NTRK2: variants seen among roughly 807,000 people sequenced by gnomAD.
NTRK2 encodes neurotrophic receptor tyrosine kinase 2.
Under a neutral mutation model 94.5 loss-of-function variants are expected in NTRK2, and 13 were observed. The observed-to-expected ratio is 0.14, with a 90% confidence interval of 0.09 to 0.22. The LOEUF is 0.22. Among genes scored for constraint, NTRK2 ranks in the 10% least tolerant of loss-of-function variants. The pLI is 1.00. For synonymous variants in NTRK2, 372 were observed against 407.4 expected (o/e 0.91, Z 1.05); for missense variants, 639 against 1,071.2 (o/e 0.60, Z 5.63).
At chr9:84,874,219 T>C in intron 14 of NTRK2, 12 of 1,065,328 alleles carry the variant, frequency 1.1e-5, no homozygotes, top group Non-Finnish European at 1.4e-5. Context: ...AGTTGCAGAG[T>C]AGCCTCCTAT....
At chr9:84,850,579 A>G (rs1376916581) in intron 12 of NTRK2, among the ~76,000 whole-genome samples, 5 of 152,220 alleles carry the variant, frequency 3.3e-5, no homozygotes. Flanking sequence ...CAAAGCTCAC[A>G]TGACCTCAAG....
intron 12 of NTRK2, among the ~76,000 whole-genome samples, chr9:84,770,057 A>G (rs775431407): frequency 2.0e-5 from 3 of 151,768 alleles, no homozygotes; most frequent in Non-Finnish European, 2.9e-5. Flanking sequence ...TGGCTTCTGC[A>G]TATGTTTGCT....
At chr9:84,882,264 A>G (rs1260124279) in intron 14 of NTRK2, among the ~76,000 whole-genome samples, 1 of 152,148 alleles carries the variant, frequency 6.6e-6, no homozygotes, top group Non-Finnish European at 1.5e-5. Flanking sequence ...AGCCAGTTTA[A>G]CTGATGAGAT....
chr9:84,987,242 G>C (rs1009500239), intron 17 of NTRK2, among the ~76,000 whole-genome samples: 6 of 152,094 alleles, frequency 3.9e-5, no homozygotes, highest in Middle Eastern at 3.2e-3. Context: ...ATTAATTTCT[G>C]GTCAAGAATT....
intron 14 of NTRK2, among the ~76,000 whole-genome samples, chr9:84,903,552 T>G (rs1387051945): frequency 6.6e-6 from 1 of 152,196 alleles, no homozygotes; most frequent in Non-Finnish European, 1.5e-5. Flanking sequence ...TGCATCATGT[T>G]CTTTTCAATA....
At chr9:84,800,133 C>T (rs1462075771) in intron 12 of NTRK2, among the ~76,000 whole-genome samples, 7 of 152,168 alleles carry the variant, frequency 4.6e-5, no homozygotes, top group Non-Finnish European at 1.5e-5. Flanking sequence ...TGGAGGCACT[C>T]CTCTCGCCTT....
At chr9:84,691,771 G>A (rs184563124) in intron 2 of NTRK2, among the ~76,000 whole-genome samples, 3 of 152,292 alleles carry the variant, frequency 2.0e-5, no homozygotes, top group Non-Finnish European at 2.9e-5. Context: ...GAGCAGCAGA[G>A]AAGGTTTTGG....
At chr9:84,688,054 A>G (rs907083862) in intron 2 of NTRK2, among the ~76,000 whole-genome samples, 1 of 152,024 alleles carries the variant, frequency 6.6e-6, no homozygotes, top group Non-Finnish European at 1.5e-5. Context: ...GGCTTGGTGC[A>G]CCCTCAGGAA....
chr9:84,901,396 G>A (rs1361769548), intron 14 of NTRK2, among the ~76,000 whole-genome samples: 1 of 151,418 alleles, frequency 6.6e-6, no homozygotes, highest in East Asian at 2.0e-4. Context: ...CTATTTTTGT[G>A]TGTGTGTGTG....
intron 12 of NTRK2, among the ~76,000 whole-genome samples, chr9:84,804,008 CT>C (rs1264228541): frequency 6.6e-6 from 1 of 152,150 alleles, no homozygotes; most frequent in Non-Finnish European, 1.5e-5. Flanking sequence ...ATAAGCCCCC[CT>C]GATTGTTGCT....
chr9:84,840,699 C>A (rs73651126), intron 12 of NTRK2, among the ~76,000 whole-genome samples: 23,651 of 152,136 alleles, frequency 0.16, 2,054 homozygotes, highest in African/African-American at 0.23. Flanking sequence ...ATGCCCCAAT[C>A]TAGCGCGCTG....
rs571434658 is a variant in NTRK2, at chr9:84,815,836, G to A, written c.1397-45204G>A. The A allele has an allele frequency of 3.2e-5, 25 of 771,668 alleles. 1 individual carries two copies. The highest frequency in any genetic ancestry group is 1.2e-4 in the South Asian group (2 of 16,884). The allele number at this position is 771,668 out of a possible 1,614,324, so 47.8% of individuals were successfully genotyped here. On this transcript the variant is annotated intron_variant, in intron 12 of 18. Coordinates refer to ENST00000277120, the MANE Select transcript of NTRK2 (RefSeq NM_006180.6). ...GAAGAAACAGTGTGAGAAATGTCAC[G>A]GAGAGTTTCAGGGGAGTACCAGGCC... is the stretch of plus-strand genomic sequence containing the variant.
At chr9:84,702,804 A>G (rs1332469062) in intron 4 of NTRK2, among the ~76,000 whole-genome samples, 1 of 152,232 alleles carries the variant, frequency 6.6e-6, no homozygotes, top group Non-Finnish European at 1.5e-5. Flanking sequence ...CTTGGCCTTT[A>G]TAGGGAAATA....
At chr9:84,797,639 TATACTATA>T (rs1470633438) in intron 12 of NTRK2, among the ~76,000 whole-genome samples, 1 of 61,054 alleles carries the variant, frequency 1.6e-5, no homozygotes, top group East Asian at 4.0e-4. Context: ...ATATATTATA[TATACTATA>T]ATAATATATA....
intron 12 of NTRK2, among the ~76,000 whole-genome samples, chr9:84,801,673 G>A (rs2070473205): frequency 1.3e-5 from 2 of 152,154 alleles, no homozygotes; most frequent in Admixed American, 6.6e-5. Context: ...ATGCTATGAT[G>A]TTTGGTAGGC....
chr9:84,813,695 C>G, intron 12 of NTRK2: 1 of 1,066,220 alleles, frequency 9.4e-7, no homozygotes. Flanking sequence ...CCTGGTTGGT[C>G]CTACTCCCGT....
chr9:84,795,262 C>T (rs1013822177), intron 12 of NTRK2, among the ~76,000 whole-genome samples: 6 of 152,162 alleles, frequency 3.9e-5, no homozygotes, highest in Non-Finnish European at 1.5e-5. Flanking sequence ...TGGCCTCTGC[C>T]CTAGGTGCCT....
chr9:84,887,059 G>C (rs2132261849), intron 14 of NTRK2, among the ~76,000 whole-genome samples: 1 of 152,302 alleles, frequency 6.6e-6, no homozygotes, highest in Non-Finnish European at 1.5e-5. Flanking sequence ...TTGAACAAAA[G>C]ATAAGATTCA....
intron 17 of NTRK2, among the ~76,000 whole-genome samples, chr9:84,982,219 C>T (rs532129492): frequency 1.1e-4 from 17 of 152,116 alleles, no homozygotes; most frequent in Non-Finnish European, 1.9e-4. Context: ...TTTAGGAAAC[C>T]CACCTATGCC....
Sources: gnomAD v4.1 joint callset for allele counts (sites outside exome capture counted in the v4.1 genomes callset) on GRCh38, gnomAD v4.1.1 for gene constraint, MANE v1.5 for transcripts, NCBI Gene and HGNC (gene_info 2026-07-23, HGNC 2026-07-21) for gene names.